LARP4B: variants seen among roughly 807,000 people sequenced by gnomAD.
LARP4B encodes the protein La ribonucleoprotein 4B.
Under a neutral mutation model 89.8 loss-of-function variants are expected in LARP4B, and 12 were observed. The observed-to-expected ratio is 0.13, with a 90% CI of 0.09 to 0.22. The LOEUF (loss-of-function observed/expected upper bound fraction) is 0.22, where lower values mean the gene tolerates loss of function less well. Ranked by LOEUF, LARP4B falls within the 10% of genes least tolerant of loss-of-function variation. The pLI is 1.00. For synonymous variants in LARP4B, 367 were observed against 363.3 expected (o/e 1.01, Z -0.12); for missense variants, 757 against 947.7 (o/e 0.80, Z 2.64).
intron 13 of LARP4B, among the ~76,000 whole-genome samples, chr10:824,116 G>T (rs867939383): frequency 3.7e-4 from 57 of 152,298 alleles, no homozygotes; most frequent in African/African-American, 1.3e-3. Context: ...AAAAGCTCAG[G>T]TATTTGAGTC....
chr10:948,046 G>A, the LARP4B span, among the ~76,000 whole-genome samples: 2,473 of 152,176 alleles, frequency 0.016, 75 homozygotes, highest in African/African-American at 0.056. Context: ...ACCCCCAAGA[G>A]TGAGGTCCTC....
chr10:819,802 T>C (rs899969913), intron 14 of LARP4B: 2 of 152,206 alleles, frequency 1.3e-5, no homozygotes, highest in Admixed American at 6.5e-5. Context: ...AAAGGCACAA[T>C]TTCTGAGTTC....
chr10:933,220 C>G (rs937408803), upstream of LARP4B: 1 of 152,160 alleles, frequency 6.6e-6, no homozygotes, highest in Non-Finnish European at 1.5e-5. Flanking sequence ...GGTTTGTTCC[C>G]CCATTAAAAC....
At chr10:881,397 T>C (rs545941360) in intron 3 of LARP4B, among the ~76,000 whole-genome samples, 1 of 152,264 alleles carries the variant, frequency 6.6e-6, no homozygotes, top group South Asian at 2.1e-4. Flanking sequence ...TCCTGGGAAA[T>C]ACTCTTGCTA....
At chr10:957,988 G>T in the LARP4B span, among the ~76,000 whole-genome samples, 4 of 151,732 alleles carry the variant, frequency 2.6e-5, no homozygotes, top group African/African-American at 9.7e-5. Context: ...GTAGAGATGG[G>T]GTTTCGCCAT....
chr10:820,753 A>G (rs370755191), intron 14 of LARP4B, 47 bp downstream of exon 14: 3 of 1,492,716 alleles, frequency 2.0e-6, no homozygotes, highest in African/African-American at 2.8e-5. Flanking sequence ...TTTGGTATAA[A>G]TTAGATTTAA....
the LARP4B span, among the ~76,000 whole-genome samples, chr10:955,744 A>G: frequency 1.3e-5 from 2 of 152,144 alleles, no homozygotes; most frequent in Non-Finnish European, 2.9e-5. This position sits in a 1 kb window ranked among gnomAD's most constrained non-coding sequence, Gnocchi z 5.2. Flanking sequence ...CAGGAAATAA[A>G]CAAAGTAAGG....
intron 3 of LARP4B, among the ~76,000 whole-genome samples, chr10:881,592 T>A (rs1433597538): frequency 1.3e-5 from 2 of 152,202 alleles, no homozygotes; most frequent in African/African-American, 4.8e-5. Context: ...TGTCCCTGCC[T>A]GGAACTCAGG....
In LARP4B at chr10:883,663, G is replaced by T. The variant is rs139141166; in HGVS notation, c.141+784C>A. ...CTTTGTTACAAGCTGGCCAGGCATGGTGGCTCACGCCTGTAATCCTAGCCC... is the reference window on the plus strand; with the variant it reads ...CTTTGTTACAAGCTGGCCAGGCATGTTGGCTCACGCCTGTAATCCTAGCCC... On this transcript the variant is annotated intron_variant, in intron 3 of 17. Transcript: ENST00000316157. Among the ~76,000 whole-genome samples, 161 of 151,442 alleles carry T rather than the reference G, an allele frequency of 1.1e-3. 2 individuals are homozygous for T. In the East Asian group the frequency reaches 0.022, roughly 21 times the overall value.
the LARP4B span, among the ~76,000 whole-genome samples, chr10:942,985 C>T: frequency 6.8e-6 from 1 of 147,848 alleles, no homozygotes; most frequent in Non-Finnish European, 1.5e-5. Context: ...CTCACTCTGT[C>T]ACCCAGGCTG....
At chr10:836,022 G>A (rs957541637) in intron 8 of LARP4B, among the ~76,000 whole-genome samples, 1 of 152,094 alleles carries the variant, frequency 6.6e-6, no homozygotes, top group Non-Finnish European at 1.5e-5. Flanking sequence ...GGCTCAGGGA[G>A]TTATTCACGA....
intron 1 of LARP4B, among the ~76,000 whole-genome samples, chr10:920,079 T>C (rs953517306): frequency 7.2e-5 from 11 of 152,254 alleles, no homozygotes; most frequent in African/African-American, 2.4e-4. Context: ...AACACTTATT[T>C]AAATTATCTA....
chr10:868,414 C>T (rs1281464883), intron 3 of LARP4B, among the ~76,000 whole-genome samples: 1 of 147,306 alleles, frequency 6.8e-6, no homozygotes. Context: ...TGTAACAGCA[C>T]TTTGAAAATT....
the LARP4B span, among the ~76,000 whole-genome samples, chr10:982,276 G>C: frequency 6.6e-6 from 1 of 151,806 alleles, no homozygotes; most frequent in African/African-American, 2.4e-5. Context: ...ATTTTTAGTA[G>C]AGATGGAGTT....
At chr10:808,762 CACACACGCACACAT>C (rs1831637628), downstream of LARP4B, 1 of 151,518 alleles carries the variant, frequency 6.6e-6, no homozygotes, top group African/African-American at 2.4e-5. Flanking sequence ...CACACACACA[CACACACGCACACAT>C]ACACACACAC....
intron 1 of LARP4B, among the ~76,000 whole-genome samples, chr10:908,151 G>A (rs1236805114): frequency 3.9e-5 from 6 of 152,156 alleles, no homozygotes; most frequent in Admixed American, 3.3e-4. Context: ...AGGTTGCAGT[G>A]AGCCTGAGCC....
rs969063104 is a variant in LARP4B, at chr10:912,217, C to T, written c.-40+19211G>A. 4.0e-5 allele frequency among the ~76,000 whole-genome samples: 6 copies of T among 151,828 alleles called. No homozygotes were observed. The East Asian group carries it at 1.2e-3, about 29-fold the overall frequency. ...CAAGGGTGTCCAATCTTTGGCTTCC[C>T]TGGGCCACACTGATCTTGGGCCACA... On this transcript the variant is annotated intron_variant, in intron 1 of 17. Transcript: ENST00000316157.
At chr10:908,861 G>C (rs557686761) in intron 1 of LARP4B, among the ~76,000 whole-genome samples, 2 of 146,804 alleles carry the variant, frequency 1.4e-5, no homozygotes, top group South Asian at 2.1e-4. Flanking sequence ...GCTGCAGCAC[G>C]GGGGGGGCCT....
intron 1 of LARP4B, among the ~76,000 whole-genome samples, chr10:909,651 G>A (rs1836613752): frequency 6.6e-6 from 1 of 151,922 alleles, no homozygotes; most frequent in South Asian, 2.1e-4. Context: ...CAGGCATGGT[G>A]GCAGGAGCCT....
Sources: gnomAD v4.1 joint callset for allele counts (sites outside exome capture counted in the v4.1 genomes callset) on GRCh38, gnomAD v4.1.1 for gene constraint, Gnocchi (gnomAD v3.1) non-coding constraint, MANE v1.5 for transcripts, NCBI Gene and HGNC (gene_info 2026-07-23, HGNC 2026-07-21) for gene names.